FRMD4B: variants seen among roughly 807,000 people sequenced by gnomAD.
The protein encoded by FRMD4B is FERM domain-containing protein 4B.
A neutral mutation model predicts 141.5 loss-of-function variants in FRMD4B; 74 were observed. The ratio of observed to expected loss-of-function variants is 0.52; its 90% CI spans 0.43 to 0.63. FRMD4B has a LOEUF of 0.63. Ranked by LOEUF, FRMD4B falls within the 30% of genes least tolerant of loss-of-function variation. The pLI, the probability that FRMD4B is intolerant of heterozygous loss-of-function variation, is 0.00. For missense variants in FRMD4B, 1,366 were observed against 1,253.4 expected, an observed-to-expected ratio of 1.09 and a Z score of -1.36; for synonymous variants, 506 against 467.9, an observed-to-expected ratio of 1.08 and a Z score of -1.05.
intron 1 of FRMD4B, among the ~76,000 whole-genome samples, chr3:69,513,350 C>A (rs763600485): frequency 3.3e-5 from 5 of 152,068 alleles, no homozygotes; most frequent in Non-Finnish European, 5.9e-5. Flanking sequence ...AAGACTGAAT[C>A]ATGAAGAAAT....
chr3:69,504,849 G>C (rs1391773), intron 1 of FRMD4B, among the ~76,000 whole-genome samples: 1 of 152,002 alleles, frequency 6.6e-6, no homozygotes. Context: ...TAAACTTTTG[G>C]ATATTAGACA....
chr3:69,245,670 T>C (rs577318297), intron 7 of FRMD4B, among the ~76,000 whole-genome samples: 28 of 147,710 alleles, frequency 1.9e-4, no homozygotes, highest in Non-Finnish European at 2.8e-4. Flanking sequence ...TTTTCTTTTT[T>C]TTTTTTTTTT....
rs576606493 is a variant in FRMD4B at position 69,231,958 on chromosome 3, G to A, written c.582-7268C>T. Among the ~76,000 whole-genome samples, 8 of 152,332 alleles carry A rather than the reference G, an allele frequency of 5.3e-5. No homozygotes were observed. The East Asian group carries it at 1.5e-3, about 29-fold the overall frequency. On this transcript the variant is annotated intron_variant, in intron 7 of 22. Coordinates refer to ENST00000398540, the MANE Select transcript of FRMD4B (RefSeq NM_015123.3). ...TCTGTCTGGGAGCCTGAGGCTGCAA[G>A]GGATCTACGGAGCTTGTAGGAGCAG... is the stretch of plus-strand genomic sequence containing the variant.
At position 69,368,557 on chromosome 3, in the gene FRMD4B, A is replaced by G. The variant is rs1703734587; in HGVS notation, c.162+17271T>C. Among the ~76,000 whole-genome samples, 3 of 152,168 alleles carry G rather than the reference A, an allele frequency of 2.0e-5. No homozygotes were observed. The South Asian group carries it at 6.2e-4, about 32-fold the overall frequency. ...AGGTGCTTTGCATACTTCTTGAACA[A>G]ATGCAATTGCCACATTTTGAGTATG... is the stretch of plus-strand genomic sequence containing the variant. On this transcript the variant is annotated intron_variant, in intron 1 of 22. Transcript: ENST00000398540.
intron 8 of FRMD4B, among the ~76,000 whole-genome samples, chr3:69,222,629 G>A (rs1325964673): frequency 6.6e-6 from 1 of 152,028 alleles, no homozygotes; most frequent in African/African-American, 2.4e-5. Flanking sequence ...AAATTAGCTG[G>A]TTGTGGTGGC....
intron 12 of FRMD4B, chr3:69,197,890 G>C (rs557111786): frequency 3.9e-5 from 6 of 152,242 alleles, no homozygotes; most frequent in Admixed American, 6.6e-5. Flanking sequence ...TTTGGGAGGC[G>C]GAGACGGGCG....
At chr3:69,527,243 G>C (rs894981316) in intron 1 of FRMD4B, among the ~76,000 whole-genome samples, 2 of 152,128 alleles carry the variant, frequency 1.3e-5, no homozygotes, top group African/African-American at 4.8e-5. Context: ...AGGGAACTCA[G>C]GGACAAATAA....
At chr3:69,464,108 T>G (rs1168354763) in intron 1 of FRMD4B, among the ~76,000 whole-genome samples, 1 of 152,204 alleles carries the variant, frequency 6.6e-6, no homozygotes, top group East Asian at 1.9e-4. Flanking sequence ...ACGTGCAGAC[T>G]CTGCTGCTCT....
At chr3:69,198,860 A>T in intron 11 of FRMD4B, 86 bp from the exon 12 acceptor site, 1 of 714,496 alleles carries the variant, frequency 1.4e-6, no homozygotes, top group South Asian at 1.6e-5. Context: ...AACAATTATA[A>T]GCTCCAAGAA....
At chr3:69,539,382 A>G (rs926275594) in intron 1 of FRMD4B, among the ~76,000 whole-genome samples, 1 of 152,208 alleles carries the variant, frequency 6.6e-6, no homozygotes, top group Non-Finnish European at 1.5e-5. Flanking sequence ...CTGATTTGAC[A>G]CTTGGGAGTG....
At chr3:69,449,702 T>C (rs1451378198) in intron 1 of FRMD4B, among the ~76,000 whole-genome samples, 3 of 152,192 alleles carry the variant, frequency 2.0e-5, no homozygotes, top group Non-Finnish European at 4.4e-5. Flanking sequence ...TCTAAATTCT[T>C]AGTCTTGTGA....
intron 1 of FRMD4B, among the ~76,000 whole-genome samples, chr3:69,463,165 T>C (rs1199951460): frequency 6.6e-6 from 1 of 152,254 alleles, no homozygotes; most frequent in Non-Finnish European, 1.5e-5. Context: ...CCAGGAAGTT[T>C]CCTTAGACCC....
intron 1 of FRMD4B, among the ~76,000 whole-genome samples, chr3:69,496,856 G>T (rs1343271109): frequency 6.6e-6 from 1 of 151,320 alleles, no homozygotes; most frequent in African/African-American, 2.4e-5. Flanking sequence ...TATGTTGATT[G>T]TATCTGACCC....
At chr3:69,251,790 A>C (rs2093465033) in intron 5 of FRMD4B, among the ~76,000 whole-genome samples, 1 of 152,250 alleles carries the variant, frequency 6.6e-6, no homozygotes, top group Admixed American at 6.5e-5. Context: ...ATGGTTTTCC[A>C]ATCTGGTGAA....
chr3:69,254,301 G>A (rs1294997692), intron 5 of FRMD4B, among the ~76,000 whole-genome samples: 2 of 151,738 alleles, frequency 1.3e-5, no homozygotes, highest in African/African-American at 4.8e-5. Context: ...TAGAGATGAG[G>A]TTTCACCATG....
rs193145534 is a variant in FRMD4B, at chr3:69,334,986, T to C, written c.163-21469A>G. Reference sequence around the variant, plus strand: ...CAGACTAATGTGATGGGGAGAGTTGTTACTTTAGACAGAGCAGGCTGGGCC... The same window carrying C: ...CAGACTAATGTGATGGGGAGAGTTGCTACTTTAGACAGAGCAGGCTGGGCC... On this transcript the variant is annotated intron_variant, in intron 1 of 22. Coordinates refer to ENST00000398540, the MANE Select transcript of FRMD4B (RefSeq NM_015123.3). Among the ~76,000 whole-genome samples the C allele has an allele frequency of 3.9e-5, 6 of 152,218 alleles. No homozygotes were observed. The East Asian group carries it at 1.2e-3, about 29-fold the overall frequency.
intron 1 of FRMD4B, among the ~76,000 whole-genome samples, chr3:69,519,328 C>G (rs987401384): frequency 5.9e-5 from 9 of 152,160 alleles, no homozygotes; most frequent in Non-Finnish European, 1.3e-4. Flanking sequence ...GTGCAAAGGA[C>G]CTCTGTCAAG....
intron 7 of FRMD4B, among the ~76,000 whole-genome samples, chr3:69,248,581 G>C (rs2093440476): frequency 6.6e-6 from 1 of 152,150 alleles, no homozygotes; most frequent in African/African-American, 2.4e-5. Context: ...CTTTCAAAGG[G>C]GTCATTGGCC....
At chr3:69,370,558 C>A (rs1180222333) in intron 1 of FRMD4B, among the ~76,000 whole-genome samples, 6 of 152,254 alleles carry the variant, frequency 3.9e-5, no homozygotes, top group Admixed American at 3.3e-4. Flanking sequence ...TATTCTCAAT[C>A]AGCTTACACT....
Sources: gnomAD v4.1 joint callset for allele counts (sites outside exome capture counted in the v4.1 genomes callset) on GRCh38, gnomAD v4.1.1 for gene constraint, MANE v1.5 for transcripts, NCBI Gene and HGNC (gene_info 2026-07-23, HGNC 2026-07-21) for gene names.